TRIM49: variants seen among roughly 807,000 people sequenced by gnomAD.
TRIM49 encodes the protein tripartite motif containing 49.
In TRIM49, 5 loss-of-function variants were observed where a neutral mutation model predicts 27.4. The ratio of observed to expected loss-of-function variants is 0.18; its 90% CI spans 0.10 to 0.38. The LOEUF is 0.38. TRIM49 is among the 10% of genes least tolerant of loss of function. The pLI, the probability that TRIM49 is intolerant of heterozygous loss-of-function variation, is 1.00. For missense variants in TRIM49, 188 were observed against 487.5 expected, an observed-to-expected ratio of 0.39 and a Z score of 5.79; for synonymous variants, 69 against 166.0, an observed-to-expected ratio of 0.42 and a Z score of 4.49.
At position 89,802,999 on chromosome 11, in the gene TRIM49, T is replaced by G. The variant is rs1317561419; in HGVS notation, c.507+699A>C. Among the ~76,000 whole-genome samples, 755 of 150,674 alleles carry G rather than the reference T, an allele frequency of 5.0e-3. 10 individuals carry two copies. The highest frequency in any genetic ancestry group is 0.018 in the African/African-American group (721 of 40,490). On this transcript the variant is annotated intron_variant, in intron 4 of 7. Transcript: ENST00000329758. ...CATAGACTAGGTTCTCATGAAATAC[T>G]TTTCAACAAACTAATCTTAGCTATC...
At chr11:89,793,305 C>G (rs1460772578), downstream of TRIM49, among the ~76,000 whole-genome samples, 2 of 152,076 alleles carry the variant, frequency 1.3e-5, no homozygotes, top group Non-Finnish European at 2.9e-5. Flanking sequence ...ACTAGAGGTA[C>G]AAGGAGGAGC....
chr11:89,803,830 C>A, intron 3 of TRIM49, 37 bp from the exon 4 acceptor site: 1 of 996,918 alleles, frequency 1.0e-6, no homozygotes, highest in Non-Finnish European at 1.5e-6. Flanking sequence ...CCAGTGCAGA[C>A]CATGACATAG....
the TRIM49 span, among the ~76,000 whole-genome samples, chr11:89,792,434 A>T: frequency 0.1 from 15,431 of 147,252 alleles, 36 homozygotes; most frequent in South Asian, 0.17. Flanking sequence ...AAATCAACAG[A>T]ATATACATTC....
At chr11:89,783,784 G>A in the TRIM49 span, among the ~76,000 whole-genome samples, 1 of 146,042 alleles carries the variant, frequency 6.8e-6, no homozygotes. Context: ...CGGCTTACCT[G>A]CTCTAACAAA....
At chr11:89,793,248 A>G (rs1447597728), downstream of TRIM49, among the ~76,000 whole-genome samples, 1 of 152,112 alleles carries the variant, frequency 6.6e-6, no homozygotes, top group African/African-American at 2.4e-5. Flanking sequence ...TTATGAGCCT[A>G]CAAACCAAAT....
chr11:89,800,849 G>C (rs1949730264), intron 6 of TRIM49, 117 bp downstream of exon 6: 6 of 609,108 alleles, frequency 9.9e-6, no homozygotes, highest in Non-Finnish European at 1.4e-5. Context: ...AACGAAAGTA[G>C]ATGCAAAAAA....
At chr11:89,802,416 T>A (rs1429696644) in intron 4 of TRIM49, among the ~76,000 whole-genome samples, 1 of 150,616 alleles carries the variant, frequency 6.6e-6, no homozygotes, top group Non-Finnish European at 1.5e-5. Context: ...TGGCCATCTT[T>A]GTCTCCCTGA....
chr11:89,791,290 G>C, the TRIM49 span, among the ~76,000 whole-genome samples: 1 of 152,134 alleles, frequency 6.6e-6, no homozygotes, highest in East Asian at 1.9e-4. Context: ...AAGTGATGGG[G>C]AGTATGGATA....
At chr11:89,806,317 A>G (rs1235534025) in intron 2 of TRIM49, among the ~76,000 whole-genome samples, 3 of 150,720 alleles carry the variant, frequency 2.0e-5, no homozygotes, top group Non-Finnish European at 2.9e-5. Context: ...GCACACATAT[A>G]TGTATACATC....
Position 89,800,972 on chromosome 11 carries a change from AAT to A in TRIM49, c.753_754del (p.Leu252ThrfsTer4), listed in dbSNP as rs1384942344. ...AATCTAGGTACACACTCACCTGTGT[AAT>A]ATGTCTCCAAAAGCCTGAAAAAAAA... On this transcript the variant is annotated frameshift_variant, in exon 6 of 8. Coordinates refer to ENST00000329758, the MANE Select transcript of TRIM49 (RefSeq NM_020358.2). LOFTEE classifies it high-confidence loss of function. 2.8e-6 allele frequency: 4 copies of A among 1,415,688 alleles called. No homozygotes were observed. The highest frequency in any genetic ancestry group is 2.3e-5 in the Admixed American group (1 of 43,638). 87.7% of individuals were successfully genotyped at this position (1,415,688 alleles called of 1,614,324 possible).
At chr11:89,785,234 A>G in the TRIM49 span, among the ~76,000 whole-genome samples, 856 of 66,964 alleles carry the variant, frequency 0.013, 77 homozygotes, top group African/African-American at 0.06. Context: ...GTGAATAAAT[A>G]AATAAATAAA....
At chr11:89,772,125 T>G in the TRIM49 span, among the ~76,000 whole-genome samples, 48 of 135,780 alleles carry the variant, frequency 3.5e-4, 13 homozygotes, top group African/African-American at 1.5e-3. Flanking sequence ...TGAAAACCCT[T>G]ATAATGATCC....
chr11:89,805,207 C>T (rs1371027841), intron 2 of TRIM49, among the ~76,000 whole-genome samples: 1 of 150,974 alleles, frequency 6.6e-6, no homozygotes, highest in African/African-American at 2.4e-5. Context: ...TCCCCTAGGG[C>T]TGTGCAAGCT....
chr11:89,797,083 C>T (rs558132392), downstream of TRIM49, among the ~76,000 whole-genome samples: 216 of 152,098 alleles, frequency 1.4e-3, 1 homozygote, highest in African/African-American at 5.1e-3. Flanking sequence ...TTTATGAGGG[C>T]CTGTGGTACA....
the TRIM49 span, among the ~76,000 whole-genome samples, chr11:89,790,793 T>C: frequency 3.4e-5 from 5 of 145,830 alleles, no homozygotes; most frequent in African/African-American, 1.3e-4. Flanking sequence ...ACCACAAAGA[T>C]GGGGAAAAAA....
At chr11:89,782,061 A>C in the TRIM49 span, 1 of 1,538,826 alleles carries the variant, frequency 6.5e-7, no homozygotes, top group Non-Finnish European at 8.8e-7. Flanking sequence ...TGGGAGGTGG[A>C]TGTGACCCTC....
the TRIM49 span, chr11:89,777,338 A>G: frequency 1.3e-6 from 2 of 1,532,782 alleles, no homozygotes; most frequent in Non-Finnish European, 8.8e-7. Flanking sequence ...TCACCAGAGC[A>G]CATGGCTCAC....
the TRIM49 span, among the ~76,000 whole-genome samples, chr11:89,780,102 A>T: frequency 2.4e-4 from 27 of 113,550 alleles, 3 homozygotes; most frequent in Admixed American, 1.9e-3. Context: ...TCCCTAAGGA[A>T]GGGCTGAGGA....
In TRIM49 at chr11:89,806,002, G is replaced by A. The variant is rs118070801; in HGVS notation, c.-5+1097C>T. On this transcript the variant is annotated intron_variant, in intron 2 of 7. Transcript: ENST00000329758. ...TGCAAAGTGCTGGGATTCTAGGCAC[G>A]CGCCACAGTGCCCAGCCCGGCGGTT... Among the ~76,000 whole-genome samples, 168 of 150,972 alleles carry A rather than the reference G, an allele frequency of 1.1e-3. 6 individuals carry two copies. The highest frequency in any genetic ancestry group is 2.0e-3 in the Non-Finnish European group (133 of 67,928).
Sources: allele counts gnomAD v4.1 joint callset (sites outside exome capture counted in the v4.1 genomes callset), GRCh38; gene constraint gnomAD v4.1.1; transcripts MANE v1.5; gene names NCBI Gene and HGNC (gene_info 2026-07-23, HGNC 2026-07-21).